MYO7A: variants seen among roughly 807,000 people sequenced by gnomAD.
The protein encoded by MYO7A is myosin VIIA.
A neutral mutation model predicts 263.8 loss-of-function variants in MYO7A; 210 were observed. The ratio of observed to expected loss-of-function variants is 0.80; its 90% confidence interval spans 0.71 to 0.89. The LOEUF (loss-of-function observed/expected upper bound fraction) is 0.89, where lower values mean the gene tolerates loss of function less well. MYO7A is among the 40% of genes least tolerant of loss of function. The pLI, the probability that MYO7A is intolerant of heterozygous loss-of-function variation, is 0.00. For synonymous variants in MYO7A, 1,239 were observed against 1,197.3 expected (o/e 1.03, Z -0.72); for missense variants, 2,820 against 2,968.3 (o/e 0.95, Z 1.16).
At chr11:77,173,081 GC>G (rs1479359154) in intron 16 of MYO7A, among the ~76,000 whole-genome samples, 196 bp downstream of exon 16, 5 of 151,338 alleles carry the variant, frequency 3.3e-5, no homozygotes, top group Non-Finnish European at 7.4e-5. Context: ...CCTAGACTCT[GC>G]GGGGGGTTGC....
chr11:77,207,576 C>T (rs540177556), intron 42 of MYO7A, among the ~76,000 whole-genome samples, 174 bp downstream of exon 42: 124 of 152,296 alleles, frequency 8.1e-4, no homozygotes, highest in African/African-American at 2.8e-3. Context: ...GCCCCCAGCT[C>T]TCTCTCTTCT....
At chr11:77,128,991 T>C (rs1950687313) in intron 1 of MYO7A, among the ~76,000 whole-genome samples, 1 of 152,240 alleles carries the variant, frequency 6.6e-6, no homozygotes. Flanking sequence ...ATACAGTCTA[T>C]GCCCCCTGTT....
intron 43 of MYO7A, 37 bp from the exon 44 acceptor site, chr11:77,208,660 A>G (rs570274981): frequency 1.3e-6 from 2 of 1,528,786 alleles, no homozygotes; most frequent in South Asian, 1.2e-5. Context: ...TCCTCTGTGC[A>G]GGGACCCTCT....
At chr11:77,180,280 C>A in intron 21 of MYO7A, 94 bp from the exon 22 acceptor site, 1 of 666,578 alleles carries the variant, frequency 1.5e-6, no homozygotes. Context: ...ATGCCCAGTT[C>A]CAGAACTCAG....
intron 3 of MYO7A, 52 bp from the exon 4 acceptor site, chr11:77,147,746 A>G: frequency 6.3e-7 from 1 of 1,592,608 alleles, no homozygotes; most frequent in Non-Finnish European, 8.5e-7. Context: ...CTTCCCCTGA[A>G]GTGCGCAGCC....
chr11:77,170,044 C>A (rs1953939337), intron 15 of MYO7A, among the ~76,000 whole-genome samples: 1 of 152,216 alleles, frequency 6.6e-6, no homozygotes, highest in African/African-American at 2.4e-5. Context: ...GTGCTCCAGC[C>A]TGGGCGACAG....
chr11:77,183,176 G>C lies in MYO7A; in HGVS notation c.3375+19G>C. 6.5e-7 allele frequency: 1 copy of C among 1,548,124 alleles called. No individual in the cohort carries two copies. On this transcript the variant is annotated intron_variant, in intron 26 of 48. Transcript: ENST00000409709. The stretch of plus-strand genomic sequence containing the variant: ...AGAGGAGGTGAGGGCAGACGCTGGG[G>C]GTCTGGCAGCCCAGGGGTGGCTGCC...
At chr11:77,197,432 A>AACTC in intron 32 of MYO7A, 49 bp from the exon 33 acceptor site, 1 of 1,409,734 alleles carries the variant, frequency 7.1e-7, no homozygotes, top group Non-Finnish European at 9.7e-7. Flanking sequence ...TTTTAGAGCA[A>AACTC]ACTCACTCGT....
chr11:77,199,694 G>T lies in MYO7A; in HGVS notation c.4728G>T (p.Lys1576Asn), dbSNP rs758921557. 1 of 1,613,580 alleles carries T rather than the reference G, an allele frequency of 6.2e-7. No individual in the cohort carries two copies. Among genetic ancestry groups the T allele is most frequent in the East Asian group, 2.2e-5 (1 of 44,872 alleles). ...CCAGCTTCACGCTGGCCACCATCAAGGGGGACGAATACACCTTCACCTCCA... is the reference window on the plus strand; with the variant it reads ...CCAGCTTCACGCTGGCCACCATCAATGGGGACGAATACACCTTCACCTCCA... ...TAPSFTLATI[K>N]GDEYTFTSSN... The change falls in exon 35 of 49, where the codon AAG (lysine) becomes AAT (asparagine). Residue 1576 changes from lysine to asparagine, a missense_variant. Physicochemically the swap from Lys to Asn is moderately conservative, Grantham distance 94. Transcript: ENST00000409709.
At chr11:77,166,337 T>C (rs1953542129) in intron 15 of MYO7A, among the ~76,000 whole-genome samples, 175 bp downstream of exon 15, 1 of 152,154 alleles carries the variant, frequency 6.6e-6, no homozygotes, top group African/African-American at 2.4e-5. Flanking sequence ...TCCCATCTGG[T>C]CCTCTTATTG....
rs550230050 is a variant in MYO7A at position 77,154,844 on chromosome 11, C to A, written c.286-1063C>A. On this transcript the variant is annotated intron_variant, in intron 4 of 48. Transcript: ENST00000409709. Reference sequence around the variant, plus strand: ...CAGGACTGGAGCCTGGGTCTTGGCCCCACCTGGCCCCAGGGTGGGCATTTC... The same window carrying A: ...CAGGACTGGAGCCTGGGTCTTGGCCACACCTGGCCCCAGGGTGGGCATTTC... Among the ~76,000 whole-genome samples the A allele has an allele frequency of 1.8e-4, 27 of 152,252 alleles. No individual in the cohort carries two copies. In the East Asian group the frequency reaches 1.9e-3, roughly 11 times the overall value.
At chr11:77,191,985 C>T (rs1447490812) in intron 30 of MYO7A, 66 bp from the exon 31 acceptor site, 2 of 1,415,310 alleles carry the variant, frequency 1.4e-6, no homozygotes, top group African/African-American at 1.4e-5. Context: ...GACCGTTGGC[C>T]CCGTTGAGGC....
intron 33 of MYO7A, 101 bp from the exon 34 acceptor site, chr11:77,198,394 T>C (rs781639397): frequency 4.1e-6 from 6 of 1,461,118 alleles, no homozygotes; most frequent in Non-Finnish European, 4.6e-6. Context: ...ATCTATAAAA[T>C]AGAAATCAGT....
In MYO7A at chr11:77,190,180, GCACGTGTGTA is replaced by G. The variant is rs762639006; in HGVS notation, c.3750+42_3750+51del. ...TGCACGTGCTCGTGTGCATGTGTGC[GCACGTGTGTA>G]AATGCGTGTGTGTGTGTGTCCAGTG... On this transcript the variant is annotated intron_variant, in intron 29 of 48. Coordinates refer to ENST00000409709, the MANE Select transcript of MYO7A (RefSeq NM_000260.4). 2.7e-4 allele frequency: 401 copies of G among 1,497,256 alleles called. 1 individual carries two copies. The highest frequency in any genetic ancestry group is 8.7e-5 in the Non-Finnish European group (97 of 1,110,640). 92.7% of individuals were successfully genotyped at this position (1,497,256 alleles called of 1,614,324 possible). A position where few individuals can be genotyped will look rare whatever the true frequency, so the allele number is the denominator to read the frequency against.
chr11:77,136,670 AT>A (rs1301483338), intron 2 of MYO7A, among the ~76,000 whole-genome samples: 1 of 152,236 alleles, frequency 6.6e-6, no homozygotes, highest in African/African-American at 2.4e-5. Flanking sequence ...TGCATTACGC[AT>A]CTTAACCTGT....
rs137877479 is a variant in MYO7A, at chr11:77,150,390, T to A, written c.285+2440T>A. ...AGGGAGGAAAAAACTTCAGACACCATGGGCACAGTGAATCTTGTTTGTAAA... is the reference window on the plus strand; with the variant it reads ...AGGGAGGAAAAAACTTCAGACACCAAGGGCACAGTGAATCTTGTTTGTAAA... On this transcript the variant is annotated intron_variant, in intron 4 of 48. Coordinates refer to ENST00000409709, the MANE Select transcript of MYO7A (RefSeq NM_000260.4). Among the ~76,000 whole-genome samples, 8 of 152,210 alleles carry A rather than the reference T, an allele frequency of 5.3e-5. No individual in the cohort carries two copies. The South Asian group carries it at 1.0e-3, about 20-fold the overall frequency.
intron 12 of MYO7A, 53 bp downstream of exon 12, chr11:77,161,168 G>T: frequency 6.2e-7 from 1 of 1,605,492 alleles, no homozygotes; most frequent in South Asian, 1.1e-5. Context: ...ATGGAAATAA[G>T]AAATATCACG....
rs1189296086 is a variant in MYO7A, at chr11:77,128,394, A to G, written c.-142A>G. 6.6e-6 allele frequency: 1 copy of G among 152,362 alleles called. No homozygotes were observed. The highest frequency in any genetic ancestry group is 2.4e-5 in the African/African-American group (1 of 41,448). 9.4% of individuals were successfully genotyped at this position (152,362 alleles called of 1,614,324 possible). ...AGGAAGAGGGGACGTGTGTTTGCAGACTGGCTGGGCCCGTGACCCAGCTTC... is the reference window on the plus strand; with the variant it reads ...AGGAAGAGGGGACGTGTGTTTGCAGGCTGGCTGGGCCCGTGACCCAGCTTC... On this transcript the variant is annotated 5_prime_UTR_variant, in exon 1 of 49. Transcript: ENST00000409709.
chr11:77,193,093 T>TGG lies in MYO7A; in HGVS notation c.4152+816_4152+817dup, dbSNP rs1335353657. 1.4e-4 allele frequency among the ~76,000 whole-genome samples: 9 copies of TGG among 64,934 alleles called. 1 individual carries two copies. Among genetic ancestry groups the TGG allele is most frequent in the African/African-American group, 2.4e-4 (4 of 16,754 alleles). 42.6% of individuals were successfully genotyped at this position (64,934 alleles called of 152,430 possible). ...TGGTGGAGGTAGTTGTTTGTGATGG[T>TGG]GGAGGTAGTGATGCTGTTGGTGATG... On this transcript the variant is annotated intron_variant, in intron 31 of 48. Transcript: ENST00000409709.
Sources: allele counts gnomAD v4.1 joint callset (sites outside exome capture counted in the v4.1 genomes callset), GRCh38; gene constraint gnomAD v4.1.1; transcripts MANE v1.5; gene names NCBI Gene and HGNC (gene_info 2026-07-23, HGNC 2026-07-21).